SLC29A3: variants seen among roughly 807,000 people sequenced by gnomAD.
The protein encoded by SLC29A3 is equilibrative nucleoside transporter 3.
Under a neutral mutation model 25.4 loss-of-function variants are expected in SLC29A3, and 18 were observed. That is an observed-to-expected ratio of 0.71 (90% CI 0.49 to 1.05). The LOEUF (loss-of-function observed/expected upper bound fraction) is 1.05, where lower values mean the gene tolerates loss of function less well. Among genes scored for constraint, SLC29A3 ranks in the 50% least tolerant of loss-of-function variants. The pLI, the probability that SLC29A3 is intolerant of heterozygous loss-of-function variation, is 0.00. For missense variants in SLC29A3, 586 were observed against 609.0 expected (o/e 0.96, Z 0.40); for synonymous variants, 258 against 267.1 (o/e 0.97, Z 0.33).
chr10:71,375,978 A>C (rs1207569960), intron 4 of SLC29A3, among the ~76,000 whole-genome samples: 3 of 152,360 alleles, frequency 2.0e-5, no homozygotes, highest in East Asian at 1.9e-4. Flanking sequence ...AGAAGCGAAG[A>C]GCGTCAGCAG....
chr10:71,329,057 C>A (rs1846053730), intron 2 of SLC29A3, among the ~76,000 whole-genome samples: 1 of 152,230 alleles, frequency 6.6e-6, no homozygotes. Flanking sequence ...CCCTGCCATG[C>A]AGCCTGTACC....
intron 2 of SLC29A3, among the ~76,000 whole-genome samples, chr10:71,327,830 C>G (rs1846006696): frequency 6.6e-6 from 1 of 151,644 alleles, no homozygotes; most frequent in Non-Finnish European, 1.5e-5. Context: ...CACCTGGGTC[C>G]TGGACCCAGC....
At position 71,362,541 on chromosome 10, in the gene SLC29A3, C is replaced by G. The variant is rs749849094; in HGVS notation, c.1361C>G (p.Ser454Cys). ...GCTGAGGCCACGGGAGTGGTGATGT[C>G]CTTTTATGTGTGCTTGGGCTTAACA... ...ELAEATGVVM[S>C]FYVCLGLTLG... The change falls in exon 6 of 6, where the codon TCC (serine) becomes TGC (cysteine). Residue 454 changes from serine to cysteine, a missense_variant. Ser to Cys is a moderately radical substitution (Grantham distance 112). Transcript: ENST00000373189. The G allele has an allele frequency of 6.2e-7, 1 of 1,614,168 alleles. No homozygotes were observed. Among genetic ancestry groups the G allele is most frequent in the Non-Finnish European group, 8.5e-7 (1 of 1,180,036 alleles).
At chr10:71,330,204 C>T (rs766753062) in intron 2 of SLC29A3, among the ~76,000 whole-genome samples, 1 of 152,226 alleles carries the variant, frequency 6.6e-6, no homozygotes, top group Non-Finnish European at 1.5e-5. Context: ...GATGGGGGCT[C>T]CACAGCCACC....
chr10:71,331,304 G>A (rs534645726), intron 2 of SLC29A3, among the ~76,000 whole-genome samples: 37 of 152,262 alleles, frequency 2.4e-4, no homozygotes, highest in African/African-American at 8.7e-4. Context: ...TGGAGGATGG[G>A]GGGAGAGACA....
intron 2 of SLC29A3, among the ~76,000 whole-genome samples, chr10:71,341,068 G>A (rs978231879): frequency 2.6e-5 from 4 of 152,240 alleles, no homozygotes; most frequent in South Asian, 2.1e-4. Context: ...GCGGGCGAAC[G>A]ATCTGTGGGC....
At chr10:71,354,540 T>C (rs1033904406) in intron 4 of SLC29A3, among the ~76,000 whole-genome samples, 2 of 152,222 alleles carry the variant, frequency 1.3e-5, no homozygotes, top group Non-Finnish European at 2.9e-5. Flanking sequence ...GGAGCCGTGA[T>C]GGTGCGCACG....
At chr10:71,336,135 G>C (rs528437103) in intron 2 of SLC29A3, among the ~76,000 whole-genome samples, 1 of 152,322 alleles carries the variant, frequency 6.6e-6, no homozygotes, top group East Asian at 1.9e-4. Flanking sequence ...GCTCATGGCA[G>C]CATCACTGCA....
intron 5 of SLC29A3, among the ~76,000 whole-genome samples, chr10:71,356,696 T>G (rs1846922907): frequency 6.6e-6 from 1 of 152,096 alleles, no homozygotes; most frequent in African/African-American, 2.4e-5. Context: ...CATGGCCGCA[T>G]GTGCCTCTAG....
chr10:71,375,281 T>TA (rs1385307033), intron 3 of SLC29A3, among the ~76,000 whole-genome samples: 2 of 152,160 alleles, frequency 1.3e-5, no homozygotes, highest in Admixed American at 1.3e-4. Flanking sequence ...AAGAGTGAAG[T>TA]GCTGGTACTG....
At chr10:71,346,522 G>A (rs1012074948) in intron 3 of SLC29A3, among the ~76,000 whole-genome samples, 4 of 152,144 alleles carry the variant, frequency 2.6e-5, no homozygotes, top group Middle Eastern at 3.2e-3. Flanking sequence ...ACTATAGCAA[G>A]ATACTGTTTC....
At chr10:71,351,343 G>T (rs1846752637) in intron 3 of SLC29A3, among the ~76,000 whole-genome samples, 1 of 152,194 alleles carries the variant, frequency 6.6e-6, no homozygotes, top group South Asian at 2.1e-4. Context: ...TCTCCCCATT[G>T]TACAAGTTCA....
chr10:71,336,193 C>T (rs1846247408), intron 2 of SLC29A3, among the ~76,000 whole-genome samples: 1 of 152,164 alleles, frequency 6.6e-6, no homozygotes, highest in Admixed American at 6.5e-5. Context: ...GTCTGTGTGT[C>T]CTTCCCTCTT....
chr10:71,323,174 T>A, intron 2 of SLC29A3, 120 bp downstream of exon 2: 2 of 1,351,634 alleles, frequency 1.5e-6, no homozygotes, highest in Non-Finnish European at 2.1e-6. Flanking sequence ...ACTGTTTAGC[T>A]TGGGAAGAAG....
chr10:71,347,668 G>A (rs547236792), intron 3 of SLC29A3, among the ~76,000 whole-genome samples: 1 of 152,302 alleles, frequency 6.6e-6, no homozygotes, highest in East Asian at 1.9e-4. Flanking sequence ...GGGCAAGAGT[G>A]GTTTATGCAG....
intron 2 of SLC29A3, among the ~76,000 whole-genome samples, chr10:71,343,474 A>G (rs2131826289): frequency 6.6e-6 from 1 of 152,268 alleles, no homozygotes; most frequent in African/African-American, 2.4e-5. Context: ...CTGCCAGAAA[A>G]TGCCCTTTTT....
intron 2 of SLC29A3, among the ~76,000 whole-genome samples, chr10:71,325,585 G>A (rs1040550156): frequency 5.8e-4 from 88 of 152,092 alleles, no homozygotes; most frequent in African/African-American, 1.8e-3. Flanking sequence ...CACCTGTGAG[G>A]GCCTTTTCTG....
rs763083000 is a variant in SLC29A3, at chr10:71,351,777, C to T, written c.599C>T (p.Ala200Val). 2.5e-6 allele frequency: 4 copies of T among 1,612,062 alleles called. No individual in the cohort carries two copies. In the South Asian group the frequency reaches 3.3e-5, roughly 13 times the overall value. Residue 200 changes from alanine (A) to valine (V), a missense_variant, in exon 4 of 6, where the codon GCA becomes GTA. Physicochemically the swap from Ala to Val is moderately conservative, Grantham distance 64. Coordinates refer to ENST00000373189, the MANE Select transcript of SLC29A3 (RefSeq NM_018344.6). ...TCCTTTCCTATGAGGAACTCCCAGG[C>T]ACTGATATCAGGTGAGAGCCAGGGT... ...TGSFPMRNSQ[A>V]LISGGAMGGT... is the part of the protein sequence containing the mutation.
rs1554814829 is a variant in SLC29A3, at chr10:71,329,457, C to CA, written c.300+6419dup. Among the ~76,000 whole-genome samples the CA allele has an allele frequency of 3.8e-3, 456 of 120,402 alleles. 3 individuals carry two copies. The highest frequency in any genetic ancestry group is 9.6e-3 in the Middle Eastern group (2 of 208). 79.0% of individuals were successfully genotyped at this position (120,402 alleles called of 152,430 possible). On this transcript the variant is annotated intron_variant, in intron 2 of 5. Coordinates refer to ENST00000373189, the MANE Select transcript of SLC29A3 (RefSeq NM_018344.6). ...TGGGCAACAGAGCAAGACTCTGTCT[C>CA]AAAAAAAAAAAAAAAAGAAAAGAAA... is the stretch of plus-strand genomic sequence containing the variant.
Sources: allele counts gnomAD v4.1 joint callset (sites outside exome capture counted in the v4.1 genomes callset), GRCh38; gene constraint gnomAD v4.1.1; transcripts MANE v1.5; gene names NCBI Gene and HGNC (gene_info 2026-07-23, HGNC 2026-07-21).